SHISA9: variants seen among roughly 807,000 people sequenced by gnomAD.
The protein encoded by SHISA9 is protein shisa-9.
In SHISA9, 13 loss-of-function variants were observed where a neutral mutation model predicts 38.0. That is an observed-to-expected ratio of 0.34 (90% CI 0.22 to 0.54). The LOEUF (loss-of-function observed/expected upper bound fraction) is 0.54. SHISA9 is among the 20% of genes least tolerant of loss of function. The pLI, the probability that SHISA9 is intolerant of heterozygous loss-of-function variation, is 0.91. For missense variants in SHISA9, 538 were observed against 575.8 expected (o/e 0.93, Z 0.67); for synonymous variants, 275 against 242.0 (o/e 1.14, Z -1.27).
intron 2 of SHISA9, among the ~76,000 whole-genome samples, chr16:13,164,966 C>T (rs944921294): frequency 6.6e-6 from 1 of 152,140 alleles, no homozygotes; most frequent in Non-Finnish European, 1.5e-5. Flanking sequence ...ATTCTCATCT[C>T]TGTTTCCTCT....
chr16:13,038,153 C>A (rs2073095976), intron 2 of SHISA9, among the ~76,000 whole-genome samples: 1 of 152,080 alleles, frequency 6.6e-6, no homozygotes, highest in South Asian at 2.1e-4. Context: ...TCATGCCTGG[C>A]TAATTTTTGT....
chr16:13,314,204 TTTTTTTTTATTTTTTTA>T, the SHISA9 span, among the ~76,000 whole-genome samples: 1 of 40,452 alleles, frequency 2.5e-5, no homozygotes, highest in Non-Finnish European at 6.5e-5. Context: ...TTTTATTTCA[TTTTTTTTTATTTTTTTA>T]TTTTTTTTTG....
the SHISA9 span, among the ~76,000 whole-genome samples, chr16:13,531,403 TA>T: frequency 6.6e-6 from 1 of 152,192 alleles, no homozygotes; most frequent in African/African-American, 2.4e-5. Context: ...TTACCATATT[TA>T]AATTATTTAA....
chr16:13,304,478 G>A, the SHISA9 span, among the ~76,000 whole-genome samples: 43,152 of 152,004 alleles, frequency 0.28, 6,991 homozygotes, highest in Admixed American at 0.43. Context: ...GGCTGGTCTT[G>A]AATTCCTGGG....
chr16:13,211,800 A>T (rs2051122495), intron 3 of SHISA9, among the ~76,000 whole-genome samples: 2 of 152,204 alleles, frequency 1.3e-5, no homozygotes, highest in Admixed American at 1.3e-4. Flanking sequence ...ACAGCAATGG[A>T]TTTAATTTGG....
At chr16:13,483,146 A>C in the SHISA9 span, among the ~76,000 whole-genome samples, 1 of 152,174 alleles carries the variant, frequency 6.6e-6, no homozygotes, top group Non-Finnish European at 1.5e-5. Flanking sequence ...GCTTTTTCCA[A>C]GTGCCTGATA....
At chr16:13,269,552 T>C in the SHISA9 span, among the ~76,000 whole-genome samples, 1 of 152,214 alleles carries the variant, frequency 6.6e-6, no homozygotes, top group Non-Finnish European at 1.5e-5. Context: ...TCTTCTGCTG[T>C]TGATTCAGTG....
intron 4 of SHISA9, among the ~76,000 whole-genome samples, chr16:13,230,040 G>T (rs909369027): frequency 6.6e-6 from 1 of 152,170 alleles, no homozygotes; most frequent in Non-Finnish European, 1.5e-5. Flanking sequence ...CTCCTGATCA[G>T]ATCAAGGCCC....
At chr16:13,244,979 A>T (rs1442616260), downstream of SHISA9, among the ~76,000 whole-genome samples, 1 of 152,176 alleles carries the variant, frequency 6.6e-6, no homozygotes, top group Non-Finnish European at 1.5e-5. Context: ...GCAGTGGAGC[A>T]ATCACAGCTC....
At chr16:13,174,957 C>T (rs927544153) in intron 2 of SHISA9, among the ~76,000 whole-genome samples, 1 of 152,170 alleles carries the variant, frequency 6.6e-6, no homozygotes, top group Non-Finnish European at 1.5e-5. Context: ...ACTGGGTCCT[C>T]GTCCTCAGCA....
the SHISA9 span, among the ~76,000 whole-genome samples, chr16:13,283,609 G>A: frequency 2.0e-5 from 3 of 152,044 alleles, no homozygotes; most frequent in African/African-American, 7.2e-5. Context: ...ATAGTATGGG[G>A]GAAACCACCC....
In SHISA9 at chr16:13,136,251, C is replaced by A. The variant is rs116767568; in HGVS notation, c.692-67143C>A. Among the ~76,000 whole-genome samples the A allele has an allele frequency of 7.1e-3, 1,086 of 152,054 alleles. 11 individuals carry two copies. The highest frequency in any genetic ancestry group is 0.025 in the African/African-American group (1,029 of 41,486). ...TTGGGCACTTATAGGGCAATATTTA[C>A]CCTATAAGGTAGTCTGAGGATTAAA... On this transcript the variant is annotated intron_variant, in intron 2 of 4. Coordinates refer to ENST00000558583, the MANE Select transcript of SHISA9 (RefSeq NM_001145204.3).
the SHISA9 span, among the ~76,000 whole-genome samples, chr16:13,279,338 T>A: frequency 2.0e-5 from 3 of 152,030 alleles, no homozygotes. Flanking sequence ...AAAATTTCCA[T>A]GTGCTGTTGA....
chr16:13,032,208 T>C (rs890969456), intron 2 of SHISA9, among the ~76,000 whole-genome samples: 3 of 152,154 alleles, frequency 2.0e-5, no homozygotes, highest in African/African-American at 7.2e-5. Flanking sequence ...TGGTATGTGA[T>C]GTTTCCCTCA....
chr16:13,384,075 G>A, the SHISA9 span, among the ~76,000 whole-genome samples: 36 of 152,296 alleles, frequency 2.4e-4, no homozygotes, highest in African/African-American at 8.4e-4. Flanking sequence ...GAGAGAGGAA[G>A]AAACTATGCC....
intron 3 of SHISA9, among the ~76,000 whole-genome samples, chr16:13,204,340 T>C (rs2051042893): frequency 6.6e-6 from 1 of 152,116 alleles, no homozygotes; most frequent in Non-Finnish European, 1.5e-5. Flanking sequence ...AAGTTCTACA[T>C]TGCTGTGTGA....
intron 2 of SHISA9, among the ~76,000 whole-genome samples, chr16:13,065,082 T>C (rs867078050): frequency 4.6e-5 from 7 of 152,348 alleles, no homozygotes; most frequent in Middle Eastern, 3.4e-3. Flanking sequence ...TAGCTTAAGA[T>C]ATCTTGCCTT....
chr16:13,407,784 A>G, the SHISA9 span, among the ~76,000 whole-genome samples: 2 of 152,162 alleles, frequency 1.3e-5, no homozygotes, highest in Non-Finnish European at 2.9e-5. Context: ...CTCCCTGATG[A>G]AAAAAAGAAA....
the SHISA9 span, among the ~76,000 whole-genome samples, chr16:13,480,975 A>T: frequency 6.6e-6 from 1 of 152,208 alleles, no homozygotes; most frequent in Non-Finnish European, 1.5e-5. Flanking sequence ...CTCAGCATAT[A>T]AACAAAAGCC....
Sources: allele counts gnomAD v4.1 joint callset (sites outside exome capture counted in the v4.1 genomes callset), GRCh38; gene constraint gnomAD v4.1.1; transcripts MANE v1.5; gene names NCBI Gene and HGNC (gene_info 2026-07-23, HGNC 2026-07-21).